The following AASS variants were observed in gnomAD, a reference collection of about 807,000 sequenced individuals.
AASS encodes the protein alpha-aminoadipic semialdehyde synthase, mitochondrial.
In AASS, 86 loss-of-function variants were observed where a neutral mutation model predicts 105.4. The observed-to-expected ratio is 0.82, with a 90% CI of 0.69 to 0.98. The LOEUF (loss-of-function observed/expected upper bound fraction) is 0.98, where lower values mean the gene tolerates loss of function less well. Among genes scored for constraint, AASS ranks in the 50% least tolerant of loss-of-function variants. AASS has a pLI of 0.00. For synonymous variants in AASS, 381 were observed against 394.8 expected, an observed-to-expected ratio of 0.96 and a Z score of 0.41; for missense variants, 1,048 against 1,143.2, an observed-to-expected ratio of 0.92 and a Z score of 1.20.
Position 122,133,686 on chromosome 7 carries a change from A to T in AASS, c.41T>A (p.Val14Asp). The T allele has an allele frequency of 6.2e-7, 1 of 1,613,916 alleles. No homozygotes were observed. Among genetic ancestry groups the T allele is most frequent in the Non-Finnish European group, 8.5e-7 (1 of 1,179,996 alleles). ...VHRTGLGRLG[V>D]SLSKGLHHKA... ...GTGGTGAAGACCCTTGGAGAGGCTG[A>T]CCCCCAGCCTGCCCAGTCCAGTCCT... Residue 14 changes from valine to aspartate, a missense_variant, in exon 2 of 24, where the codon GTC becomes GAC. Physicochemically the swap from Val to Asp is radical, Grantham distance 152 (BLOSUM62 -3). Coordinates refer to ENST00000417368, the MANE Select transcript of AASS (RefSeq NM_005763.4).
chr7:122,106,570 A>T (rs1453550947), intron 11 of AASS, among the ~76,000 whole-genome samples: 1 of 151,970 alleles, frequency 6.6e-6, no homozygotes. Flanking sequence ...AAAGACCAAT[A>T]AAACAGAATA....
At chr7:122,079,365 C>CCCCACTATGCT (rs1408586002) in intron 21 of AASS, 2 of 1,378,178 alleles carry the variant, frequency 1.5e-6, no homozygotes, top group African/African-American at 2.9e-5. Context: ...TGCTTGGGAA[C>CCCCACTATGCT]TGAGTGGTAA....
chr7:122,117,232 GA>G (rs926397019), intron 6 of AASS, among the ~76,000 whole-genome samples: 3 of 152,012 alleles, frequency 2.0e-5, no homozygotes, highest in African/African-American at 7.2e-5. Context: ...AGAAATGAGG[GA>G]AAAATATTTC....
In AASS at chr7:122,075,691, T is replaced by C. The variant is rs940065923; in HGVS notation, c.*798A>G. Reference sequence around the variant, plus strand: ...TGTTAAATACTTTTCCTGTGCCTAATGAAGTGATCTTGTAAATTGTAATTT... The same window carrying C: ...TGTTAAATACTTTTCCTGTGCCTAACGAAGTGATCTTGTAAATTGTAATTT... On this transcript the variant is annotated 3_prime_UTR_variant, in exon 24 of 24. Transcript: ENST00000417368. The C allele has an allele frequency of 1.3e-5, 2 of 152,162 alleles. No individual in the cohort carries two copies. Among genetic ancestry groups the C allele is most frequent in the African/African-American group, 4.8e-5 (2 of 41,446 alleles). 9.4% of individuals were successfully genotyped at this position (152,162 alleles called of 1,614,324 possible).
Position 122,116,668 on chromosome 7 carries a change from G to A in AASS, c.859C>T (p.His287Tyr). The change falls in exon 8 of 24, where the codon CAT (histidine) becomes TAT (tyrosine). Residue 287 changes from histidine (H) to tyrosine (Y), a missense_variant. By Grantham distance (83) the His-to-Tyr change is moderately conservative. Transcript: ENST00000417368. ...AAACGACTTATGTAGCGCTCCGGATGTTTGTCATACTCTGCAGGATCATAC... is the reference window on the plus strand; with the variant it reads ...AAACGACTTATGTAGCGCTCCGGATATTTGTCATACTCTGCAGGATCATAC... Reference protein sequence around the residue: ...AVYDPAEYDKHPERYISRFNT... With the variant: ...AVYDPAEYDKYPERYISRFNT... 1 of 1,614,074 alleles carries A rather than the reference G, an allele frequency of 6.2e-7. No individual in the cohort carries two copies. The highest frequency in any genetic ancestry group is 8.5e-7 in the Non-Finnish European group (1 of 1,179,984).
intron 23 of AASS, among the ~76,000 whole-genome samples, chr7:122,076,874 C>A (rs867910329): frequency 6.6e-6 from 1 of 152,164 alleles, no homozygotes; most frequent in Non-Finnish European, 1.5e-5. Flanking sequence ...TTAATTTCTG[C>A]CAGGACAATC....
chr7:122,121,790 C>T (rs891309355), intron 4 of AASS, among the ~76,000 whole-genome samples: 1 of 152,084 alleles, frequency 6.6e-6, no homozygotes, highest in Non-Finnish European at 1.5e-5. Context: ...GACTTCATTT[C>T]CTTCTGCTTG....
At chr7:122,107,430 A>G (rs1242991165) in intron 11 of AASS, among the ~76,000 whole-genome samples, 5 of 152,168 alleles carry the variant, frequency 3.3e-5, no homozygotes, top group African/African-American at 7.2e-5. Context: ...ATAAGGACAC[A>G]TACACATGCA....
chr7:122,109,253 CAAA>C (rs3069225), intron 11 of AASS, among the ~76,000 whole-genome samples: 1 of 112,100 alleles, frequency 8.9e-6, no homozygotes. Context: ...CAATCCTTAC[CAAA>C]AAAAAAAAAA....
At chr7:122,080,858 G>A (rs1793281657) in intron 20 of AASS, among the ~76,000 whole-genome samples, 1 of 152,112 alleles carries the variant, frequency 6.6e-6, no homozygotes, top group South Asian at 2.1e-4. Flanking sequence ...TTCTCCTTGT[G>A]ATACATTTCT....
At chr7:122,109,403 T>C (rs1323542129) in intron 11 of AASS, among the ~76,000 whole-genome samples, 1 of 152,026 alleles carries the variant, frequency 6.6e-6, no homozygotes, top group African/African-American at 2.4e-5. Context: ...CAAAATATAC[T>C]ACAAAGCTAT....
At position 122,076,535 on chromosome 7, in the gene AASS, TTAATTCGC is replaced by T; in HGVS notation, c.2727_2734del (p.Arg910SerfsTer13). 1 of 1,614,032 alleles carries T rather than the reference TTAATTCGC, an allele frequency of 6.2e-7. No homozygotes were observed. Among genetic ancestry groups the T allele is most frequent in the Non-Finnish European group, 8.5e-7 (1 of 1,179,878 alleles). ...TGTAGTATATATAATGCCTTCTGCTTTAATTCGCTCCAATATTGGTCCATAGATCTCCT... is the reference window on the plus strand; with the variant it reads ...TGTAGTATATATAATGCCTTCTGCTTTCCAATATTGGTCCATAGATCTCCT... On this transcript the variant is annotated frameshift_variant, in exon 24 of 24. Transcript: ENST00000417368. LOFTEE classifies it high-confidence loss of function.
chr7:122,123,589 T>C lies in AASS; in HGVS notation c.472+2786A>G, dbSNP rs73426034. ...ACATTTCTCAGTCAATTTTGACCAATGGGTATGAGCAGAAATAATATGTTC... is the reference window on the plus strand; with the variant it reads ...ACATTTCTCAGTCAATTTTGACCAACGGGTATGAGCAGAAATAATATGTTC... On this transcript the variant is annotated intron_variant, in intron 4 of 23. Transcript: ENST00000417368. 3.9e-3 allele frequency among the ~76,000 whole-genome samples: 594 copies of C among 152,292 alleles called. 4 individuals carry two copies. The highest frequency in any genetic ancestry group is 0.014 in the African/African-American group (562 of 41,562).
intron 11 of AASS, among the ~76,000 whole-genome samples, chr7:122,109,076 A>G (rs940945624): frequency 6.6e-6 from 1 of 152,008 alleles, no homozygotes; most frequent in Non-Finnish European, 1.5e-5. Context: ...CATAAGAATA[A>G]ATTTAACCAA....
At chr7:122,138,345 T>A (rs1796246437) in intron 1 of AASS, among the ~76,000 whole-genome samples, 1 of 152,180 alleles carries the variant, frequency 6.6e-6, no homozygotes. Flanking sequence ...TATACTATGT[T>A]TTTTCCTATA....
intron 2 of AASS, 47 bp downstream of exon 2, chr7:122,133,470 T>C: frequency 6.3e-7 from 1 of 1,590,128 alleles, no homozygotes; most frequent in Non-Finnish European, 8.6e-7. Flanking sequence ...TTAATTTTCA[T>C]ATGCAGGTTC....
chr7:122,127,311 G>A (rs2150548339), intron 3 of AASS, among the ~76,000 whole-genome samples: 1 of 152,048 alleles, frequency 6.6e-6, no homozygotes, highest in East Asian at 1.9e-4. Context: ...TTAGTGTATT[G>A]TAATTATACA....
At chr7:122,140,647 C>T (rs1796352368) in intron 1 of AASS, among the ~76,000 whole-genome samples, 2 of 151,752 alleles carry the variant, frequency 1.3e-5, no homozygotes, top group Admixed American at 1.3e-4. Flanking sequence ...GCTCTTTGTC[C>T]ATCTATTTTA....
chr7:122,076,682 C>G, intron 23 of AASS, 75 bp from the exon 24 acceptor site: 1 of 1,111,574 alleles, frequency 9.0e-7, no homozygotes, highest in Non-Finnish European at 1.4e-6. Context: ...AGAGTCTCCA[C>G]AAAGAAGCAA....
Sources: allele counts gnomAD v4.1 joint callset (sites outside exome capture counted in the v4.1 genomes callset), GRCh38; gene constraint gnomAD v4.1.1; transcripts MANE v1.5; gene names NCBI Gene and HGNC (gene_info 2026-07-23, HGNC 2026-07-21).